Variants in KAZN observed in about 807,000 individuals in gnomAD.
KAZN encodes the protein kazrin.
In KAZN, 40 loss-of-function variants were observed where a neutral mutation model predicts 87.4. The observed-to-expected ratio is 0.46, with a 90% CI of 0.36 to 0.60. The LOEUF is 0.60. Ranked by LOEUF, KAZN falls within the 20% of genes least tolerant of loss-of-function variation. KAZN has a pLI of 0.00. For synonymous variants in KAZN, 466 were observed against 458.3 expected (o/e 1.02, Z -0.22); for missense variants, 898 against 1,073.9 (o/e 0.84, Z 2.29).
chr1:14,243,490 C>T (rs764099606), intron 2 of KAZN, among the ~76,000 whole-genome samples: 27 of 152,178 alleles, frequency 1.8e-4, no homozygotes, highest in Non-Finnish European at 3.4e-4. Context: ...TTTGGTTTAA[C>T]GTAGCTCTTC....
At chr1:15,006,490 C>T (rs1033489904) in intron 2 of KAZN, among the ~76,000 whole-genome samples, 2 of 152,196 alleles carry the variant, frequency 1.3e-5, no homozygotes, top group Admixed American at 6.5e-5. Context: ...CTATCTTTCC[C>T]GTCATCATAT....
chr1:14,750,858 A>ACCAGAAATACG (rs1644395767), intron 1 of KAZN, among the ~76,000 whole-genome samples: 1 of 152,160 alleles, frequency 6.6e-6, no homozygotes, highest in Non-Finnish European at 1.5e-5. Context: ...TGAGGCTATC[A>ACCAGAAATACG]CCAGAAATAC....
chr1:14,552,144 T>C (rs535558768), intron 2 of KAZN, among the ~76,000 whole-genome samples: 94 of 152,254 alleles, frequency 6.2e-4, no homozygotes, highest in African/African-American at 2.2e-3. Flanking sequence ...TAGTTTAAAG[T>C]ATAGATGGCT....
chr1:14,205,757 A>C (rs1194220936), intron 2 of KAZN, among the ~76,000 whole-genome samples: 2 of 151,840 alleles, frequency 1.3e-5, no homozygotes, highest in Admixed American at 6.6e-5. Context: ...GTGGTGATGC[A>C]TGCCTGTAAT....
chr1:14,433,841 CTGAG>C (rs1666222552), intron 2 of KAZN, among the ~76,000 whole-genome samples: 1 of 152,192 alleles, frequency 6.6e-6, no homozygotes, highest in Non-Finnish European at 1.5e-5. Flanking sequence ...GCGTGAGCAA[CTGAG>C]TGAGACTCTG....
chr1:14,986,851 C>T (rs964187135), intron 2 of KAZN, among the ~76,000 whole-genome samples: 1 of 152,182 alleles, frequency 6.6e-6, no homozygotes, highest in African/African-American at 2.4e-5. Context: ...CCCACATAAT[C>T]AGTAGGTTCC....
intron 2 of KAZN, among the ~76,000 whole-genome samples, chr1:14,332,951 A>G (rs947054594): frequency 6.6e-6 from 1 of 152,166 alleles, no homozygotes; most frequent in Non-Finnish European, 1.5e-5. Flanking sequence ...AACGTGTGCC[A>G]TGGCGGTTTG....
chr1:14,419,915 T>C (rs778830391), intron 2 of KAZN, among the ~76,000 whole-genome samples: 63 of 152,110 alleles, frequency 4.1e-4, no homozygotes, highest in Middle Eastern at 3.2e-3. Context: ...ATGGGATTTA[T>C]TGCAAAGAGC....
At chr1:14,502,777 C>T (rs1043813166) in intron 2 of KAZN, among the ~76,000 whole-genome samples, 1 of 152,144 alleles carries the variant, frequency 6.6e-6, no homozygotes. Flanking sequence ...CATTGACAGA[C>T]ACTTACTATG....
intron 1 of KAZN, among the ~76,000 whole-genome samples, chr1:14,679,207 C>T (rs557031752): frequency 5.9e-5 from 9 of 151,970 alleles, no homozygotes; most frequent in South Asian, 2.1e-4. Flanking sequence ...CATGTAGGGC[C>T]GCATGAGGAA....
chr1:14,323,962 G>A (rs1168830071), intron 2 of KAZN, among the ~76,000 whole-genome samples: 2 of 152,144 alleles, frequency 1.3e-5, no homozygotes, highest in Non-Finnish European at 2.9e-5. Flanking sequence ...ATGAGGCTCT[G>A]TATTTCTTTC....
chr1:14,320,972 T>C (rs142273521), intron 2 of KAZN, among the ~76,000 whole-genome samples: 2 of 152,322 alleles, frequency 1.3e-5, no homozygotes, highest in African/African-American at 4.8e-5. Context: ...AAGTTGTCTG[T>C]TTTTGTTTTT....
chr1:14,860,130 C>CCTTCCTTT lies in KAZN; in HGVS notation c.227-100546_227-100539dup, dbSNP rs1461030161. Among the ~76,000 whole-genome samples the CCTTCCTTT allele has an allele frequency of 4.8e-5, 7 of 147,276 alleles. No individual in the cohort carries two copies. In the East Asian group the frequency reaches 1.2e-3, roughly 25 times the overall value. On this transcript the variant is annotated intron_variant, in intron 1 of 14. Coordinates refer to ENST00000376030, the MANE Select transcript of KAZN (RefSeq NM_201628.3). ...CTTTTTCCTTCCTTCCTTCTTCCTT[C>CCTTCCTTT]CTTCCTTTCTTCCTTCCTTCCCTCC...
intron 2 of KAZN, among the ~76,000 whole-genome samples, chr1:14,414,630 ATG>A (rs1014683562): frequency 2.5e-4 from 38 of 149,030 alleles, no homozygotes; most frequent in African/African-American, 9.1e-4. Context: ...GTGTGTGTGT[ATG>A]TGTGTGTGTG....
intron 4 of KAZN, among the ~76,000 whole-genome samples, chr1:15,053,725 A>C (rs1414245001): frequency 6.6e-6 from 1 of 152,220 alleles, no homozygotes; most frequent in East Asian, 1.9e-4. Flanking sequence ...TTACCTGTTG[A>C]GCACAGATAA....
At chr1:14,415,722 TGTA>T (rs1429945396) in intron 2 of KAZN, among the ~76,000 whole-genome samples, 1 of 152,158 alleles carries the variant, frequency 6.6e-6, no homozygotes, top group African/African-American at 2.4e-5. Flanking sequence ...TGGCAGCAGG[TGTA>T]GTAGTAAGTA....
At chr1:14,170,839 A>G (rs1570930300) in intron 1 of KAZN, among the ~76,000 whole-genome samples, 1 of 152,210 alleles carries the variant, frequency 6.6e-6, no homozygotes, top group East Asian at 1.9e-4. Context: ...CTCCTGCCTC[A>G]GCCTCCTGAG....
At chr1:14,737,670 G>T (rs896462654) in intron 1 of KAZN, among the ~76,000 whole-genome samples, 1 of 152,208 alleles carries the variant, frequency 6.6e-6, no homozygotes, top group African/African-American at 2.4e-5. Context: ...TGGCTGAGCT[G>T]CATTTCTTCT....
At chr1:13,916,493 C>T (rs1332054301) in intron 1 of KAZN, among the ~76,000 whole-genome samples, 1 of 152,146 alleles carries the variant, frequency 6.6e-6, no homozygotes, top group Non-Finnish European at 1.5e-5. Context: ...TTCATTTTCC[C>T]TACCCATTCA....
Sources: gnomAD v4.1 joint callset for allele counts (sites outside exome capture counted in the v4.1 genomes callset) on GRCh38, gnomAD v4.1.1 for gene constraint, MANE v1.5 for transcripts, NCBI Gene and HGNC (gene_info 2026-07-23, HGNC 2026-07-21) for gene names.